The following DNM2 variants were observed in gnomAD, a reference collection of about 807,000 sequenced individuals.
DNM2 encodes the protein dynamin 2.
In DNM2, 15 loss-of-function variants were observed where a neutral mutation model predicts 99.0. The ratio of observed to expected loss-of-function variants is 0.15; its 90% CI spans 0.10 to 0.23. The LOEUF (loss-of-function observed/expected upper bound fraction) is 0.23. Ranked by LOEUF, DNM2 falls within the 10% of genes least tolerant of loss-of-function variation. The pLI is 1.00. For missense variants in DNM2, 742 were observed against 1,189.4 expected (o/e 0.62, Z 5.53); for synonymous variants, 525 against 481.2 (o/e 1.09, Z -1.19).
At chr19:10,774,390 C>G (rs180672722) in intron 3 of DNM2, among the ~76,000 whole-genome samples, 51 of 152,314 alleles carry the variant, frequency 3.3e-4, no homozygotes, top group African/African-American at 1.2e-3. Context: ...ATGTGTTTAT[C>G]ACTCCTTTTC....
chr19:10,768,827 A>T (rs1199641876), intron 2 of DNM2: 1 of 152,318 alleles, frequency 6.6e-6, no homozygotes, highest in East Asian at 1.9e-4. Context: ...ACCAAGGCAG[A>T]TGGGCGTCCC....
chr19:10,823,992 T>C (rs1004992565), intron 17 of DNM2, 93 bp downstream of exon 17: 11 of 1,235,678 alleles, frequency 8.9e-6, no homozygotes, highest in East Asian at 7.4e-5. Flanking sequence ...TTTCAGGCCA[T>C]GTTAGCCAGG....
rs2145637847 is a variant in DNM2, at chr19:10,718,337, C to T, written c.95C>T (p.Pro32Leu). The change falls in exon 1 of 21, where the codon CCG becomes CTG. Residue 32 changes from proline (P) to leucine (L), a missense_variant. By Grantham distance (98) the Pro-to-Leu change is moderately conservative (BLOSUM62 -3). Coordinates refer to ENST00000389253, the MANE Select transcript of DNM2 (RefSeq NM_001005361.3). ...GGCCAGAGCTGCCACCTGGACCTGC[C>T]GCAGATCGCTGTAGTGGGCGGCCAG... Reference protein sequence around the residue: ...SIGQSCHLDLPQIAVVGGQSA... With the variant: ...SIGQSCHLDLLQIAVVGGQSA... 1.3e-6 allele frequency: 2 copies of T among 1,522,622 alleles called. No individual in the cohort carries two copies. Among genetic ancestry groups the T allele is most frequent in the Non-Finnish European group, 1.8e-6 (2 of 1,137,560 alleles). 94.3% of individuals were successfully genotyped at this position (1,522,622 alleles called of 1,614,324 possible).
chr19:10,770,830 C>G (rs1242141083), intron 2 of DNM2, among the ~76,000 whole-genome samples: 5 of 152,204 alleles, frequency 3.3e-5, no homozygotes, highest in Non-Finnish European at 1.5e-5. Flanking sequence ...TGATCTCCCA[C>G]TGGGTCCCTG....
chr19:10,805,872 C>T, intron 12 of DNM2, 44 bp from the exon 13 acceptor site: 1 of 1,613,898 alleles, frequency 6.2e-7, no homozygotes. Context: ...TTCTTCCCCC[C>T]CGGCATCTTG....
rs2071932890 is a variant in DNM2 at position 10,796,341 on chromosome 19, C to T, written c.1196+902C>T. 3.1e-6 allele frequency: 4 copies of T among 1,301,328 alleles called. No homozygotes were observed. In the East Asian group the frequency reaches 7.2e-5, roughly 23 times the overall value. The allele number at this position is 1,301,328 out of a possible 1,614,324, so 80.6% of individuals were successfully genotyped here. A position where few individuals can be genotyped will look rare whatever the true frequency, so the allele number is the denominator to read the frequency against. On this transcript the variant is annotated intron_variant, in intron 9 of 20. Transcript: ENST00000389253. The surrounding 1 kb of genome is among the most constrained non-coding windows in gnomAD (Gnocchi z 5.6). Reference sequence around the variant, plus strand: ...TTTGTGTCCGTGAACTTGGCCTCTCCCCAGAGGCTGGGGCAGGAGCATGTA... The same window carrying T: ...TTTGTGTCCGTGAACTTGGCCTCTCTCCAGAGGCTGGGGCAGGAGCATGTA...
chr19:10,763,409 G>T, intron 2 of DNM2: 1 of 152,470 alleles, frequency 6.6e-6, no homozygotes, highest in South Asian at 2.0e-4. Context: ...TTGCTATATT[G>T]ACCAGGCTGG....
Position 10,830,120 on chromosome 19 carries a change from C to T in DNM2, c.2292-7C>T, listed in dbSNP as rs2073285852. The T allele has an allele frequency of 6.2e-7, 1 of 1,613,868 alleles. No homozygotes were observed. The highest frequency in any genetic ancestry group is 1.1e-5 in the South Asian group (1 of 91,092). On this transcript the variant is annotated splice_polypyrimidine_tract_variant and splice_region_variant and intron_variant, in intron 19 of 20. Transcript: ENST00000389253. The surrounding 1 kb of genome is among the most constrained non-coding windows in gnomAD (Gnocchi z 4.8). ...ATCTGTAGCTCACACCCTCTCCTTC[C>T]TCACAGCCCCACTCCACAGCGCCGA...
At chr19:10,762,402 C>G (rs1205740277) in intron 2 of DNM2, among the ~76,000 whole-genome samples, 1 of 152,154 alleles carries the variant, frequency 6.6e-6, no homozygotes, top group Non-Finnish European at 1.5e-5. Flanking sequence ...ACTGGGAGAG[C>G]CTGCCCTGCT....
In DNM2 at chr19:10,737,920, C is replaced by T. The variant is rs554043941; in HGVS notation, c.161+19517C>T. On this transcript the variant is annotated intron_variant, in intron 1 of 20. Coordinates refer to ENST00000389253, the MANE Select transcript of DNM2 (RefSeq NM_001005361.3). ...AGGTAATCGGGGCACCCATCTCCCT[C>T]TCGGGATGCACTCATTGATGTACTT... Among the ~76,000 whole-genome samples, 6 of 152,342 alleles carry T rather than the reference C, an allele frequency of 3.9e-5. No homozygotes were observed. The South Asian group carries it at 8.3e-4, about 21-fold the overall frequency.
intron 1 of DNM2, among the ~76,000 whole-genome samples, chr19:10,750,806 G>A (rs769224589): frequency 2.4e-4 from 36 of 151,898 alleles, no homozygotes; most frequent in African/African-American, 7.5e-4. Flanking sequence ...GGTGCTGGGC[G>A]CCTGTAATCC....
Position 10,765,238 on chromosome 19 carries a change from G to A in DNM2, c.235+5427G>A, listed in dbSNP as rs750301588. Among the ~76,000 whole-genome samples the A allele has an allele frequency of 6.6e-6, 1 of 152,190 alleles. No homozygotes were observed. Among genetic ancestry groups the A allele is most frequent in the African/African-American group, 2.4e-5 (1 of 41,454 alleles). ...CTCCCAAAGTGCTGGGATTACAGGC[G>A]TGAGCCACCACGCCCGGCCTGTTTT... On this transcript the variant is annotated intron_variant, in intron 2 of 20. Coordinates refer to ENST00000389253, the MANE Select transcript of DNM2 (RefSeq NM_001005361.3). This position sits in a 1 kb window ranked among gnomAD's most constrained non-coding sequence, Gnocchi z 4.4.
chr19:10,741,830 C>G (rs1442080936), intron 1 of DNM2, among the ~76,000 whole-genome samples: 1 of 152,012 alleles, frequency 6.6e-6, no homozygotes, highest in African/African-American at 2.4e-5. Context: ...GGATTACAGG[C>G]GTGAGCCACC....
chr19:10,783,247 A>T, intron 6 of DNM2, 127 bp downstream of exon 6: 1 of 1,422,488 alleles, frequency 7.0e-7, no homozygotes, highest in Non-Finnish European at 9.6e-7. Flanking sequence ...TTCAGTCCAC[A>T]TTTAGCCTAG....
intron 2 of DNM2, among the ~76,000 whole-genome samples, chr19:10,763,826 T>A (rs2070712375): frequency 6.6e-6 from 1 of 152,082 alleles, no homozygotes; most frequent in Admixed American, 6.6e-5. Flanking sequence ...GGCTGCCATG[T>A]TCAGGAGGGA....
rs2072828555 is a variant in DNM2 at position 10,818,044 on chromosome 19, C to A, written c.1672-1936C>A. Among the ~76,000 whole-genome samples the A allele has an allele frequency of 6.6e-6, 1 of 152,036 alleles. No homozygotes were observed. The highest frequency in any genetic ancestry group is 6.5e-5 in the Admixed American group (1 of 15,272). On this transcript the variant is annotated intron_variant, in intron 15 of 20. Coordinates refer to ENST00000389253, the MANE Select transcript of DNM2 (RefSeq NM_001005361.3). This position sits in a 1 kb window ranked among gnomAD's most constrained non-coding sequence, Gnocchi z 4.3. ...CCGGGGGCAGGGCTTCTGCAGAGCC[C>A]CCTCCCCTAGCCCCTTCTAAAGCCC...
At chr19:10,723,159 A>G (rs1450144349) in intron 1 of DNM2, among the ~76,000 whole-genome samples, 12 of 108,090 alleles carry the variant, frequency 1.1e-4, no homozygotes, top group East Asian at 2.6e-4. Context: ...TTTGAGACGG[A>G]GTTTCATTCT....
At chr19:10,759,338 C>T (rs1369796509) in intron 1 of DNM2, among the ~76,000 whole-genome samples, 1 of 152,178 alleles carries the variant, frequency 6.6e-6, no homozygotes, top group Non-Finnish European at 1.5e-5. Flanking sequence ...ACATGAAACA[C>T]ATCCTATTTT....
At chr19:10,823,695 G>C (rs2073055234) in intron 16 of DNM2, 93 bp from the exon 17 acceptor site, 1 of 1,325,166 alleles carries the variant, frequency 7.5e-7, no homozygotes, top group Admixed American at 1.7e-5. Flanking sequence ...TTCCTGATCA[G>C]TCAGAAAGAC....
Sources: gnomAD v4.1 joint callset for allele counts (sites outside exome capture counted in the v4.1 genomes callset) on GRCh38, gnomAD v4.1.1 for gene constraint, Gnocchi (gnomAD v3.1) non-coding constraint, MANE v1.5 for transcripts, NCBI Gene and HGNC (gene_info 2026-07-23, HGNC 2026-07-21) for gene names.